Variants in ZNF346 observed in about 807,000 individuals in gnomAD.
ZNF346 encodes the protein zinc finger protein 346, also known as double-stranded RNA-binding zinc finger protein JAZ.
Under a neutral mutation model 33.7 loss-of-function variants are expected in ZNF346, and 23 were observed. The observed-to-expected ratio is 0.68, with a 90% CI of 0.49 to 0.97. The LOEUF (loss-of-function observed/expected upper bound fraction) is 0.97, where lower values mean the gene tolerates loss of function less well. ZNF346 is among the 50% of genes least tolerant of loss of function. The pLI is 0.00. For missense variants in ZNF346, 340 were observed against 371.1 expected, an observed-to-expected ratio of 0.92 and a Z score of 0.69; for synonymous variants, 134 against 142.4, an observed-to-expected ratio of 0.94 and a Z score of 0.42.
At chr5:177,031,041 T>C (rs1012691013) in intron 1 of ZNF346, among the ~76,000 whole-genome samples, 2 of 151,770 alleles carry the variant, frequency 1.3e-5, no homozygotes, top group Admixed American at 1.3e-4. Context: ...TTTTTTCTGT[T>C]TTATTTTGTT....
chr5:177,032,369 C>T (rs889536642), intron 1 of ZNF346, among the ~76,000 whole-genome samples: 17 of 151,586 alleles, frequency 1.1e-4, no homozygotes, highest in Admixed American at 6.6e-4. Context: ...AGTGCAGTGG[C>T]GCAGTCTTGG....
At chr5:177,029,400 A>G (rs566453702) in intron 1 of ZNF346, among the ~76,000 whole-genome samples, 11 of 152,190 alleles carry the variant, frequency 7.2e-5, no homozygotes, top group African/African-American at 2.4e-4. Flanking sequence ...CTCTTTATCT[A>G]TTTGTATCCT....
Position 177,050,738 on chromosome 5 carries a change from G to A in ZNF346, c.518-13G>A. 6.2e-7 allele frequency: 1 copy of A among 1,614,084 alleles called. No individual in the cohort carries two copies. Among genetic ancestry groups the A allele is most frequent in the Non-Finnish European group, 8.5e-7 (1 of 1,180,008 alleles). On this transcript the variant is annotated splice_polypyrimidine_tract_variant and intron_variant, in intron 4 of 6. Coordinates refer to ENST00000358149, the MANE Select transcript of ZNF346 (RefSeq NM_012279.4). ...ACGCCTTACAAATCCTTTCCTTGTG[G>A]CCTCCACCTTAGCCTTGCACCAGAA...
At chr5:177,049,614 C>G (rs1780584979) in intron 4 of ZNF346, among the ~76,000 whole-genome samples, 1 of 152,168 alleles carries the variant, frequency 6.6e-6, no homozygotes, top group South Asian at 2.1e-4. Context: ...TAAGTAAGAG[C>G]TATAGCCTTC....
intron 8 of ZNF346, among the ~76,000 whole-genome samples, chr5:177,073,288 T>C: frequency 6.6e-6 from 1 of 152,158 alleles, no homozygotes. Context: ...TTGCTGGGAT[T>C]TCACAGGAAA....
chr5:177,068,059 A>T (rs1783324335), downstream of ZNF346, among the ~76,000 whole-genome samples: 1 of 118,940 alleles, frequency 8.4e-6, no homozygotes, highest in African/African-American at 5.9e-5. Context: ...AGTAGAATCC[A>T]GTTCTCTAGA....
At chr5:177,072,716 G>A (rs369688964), downstream of ZNF346, among the ~76,000 whole-genome samples, 10 of 152,250 alleles carry the variant, frequency 6.6e-5, no homozygotes, top group East Asian at 1.2e-3. Context: ...AGGCGTGGTG[G>A]CGCACGTCTG....
chr5:177,050,908 G>T lies in ZNF346; in HGVS notation c.675G>T (p.Leu225=), dbSNP rs1037106134. ...KLKLMARYGR[L]ADPAVTDFPA... is the part of the protein sequence containing the mutation. ...AACTAATGGCACGCTATGGGCGGCT[G>T]GCGGACCCTGCTGTCACTGACTTTC... The change falls in exon 5 of 7, where the codon CTG becomes CTT. Residue 225 remains leucine (L), a synonymous_variant. Coordinates refer to ENST00000358149, the MANE Select transcript of ZNF346 (RefSeq NM_012279.4). 6.2e-7 allele frequency: 1 copy of T among 1,614,184 alleles called. No individual in the cohort carries two copies. Among genetic ancestry groups the T allele is most frequent in the Non-Finnish European group, 8.5e-7 (1 of 1,180,036 alleles).
intron 1 of ZNF346, among the ~76,000 whole-genome samples, chr5:177,033,597 C>G (rs1298126401): frequency 6.6e-6 from 1 of 152,174 alleles, no homozygotes; most frequent in Non-Finnish European, 1.5e-5. Context: ...GATCTCTGCT[C>G]ACTGCAAGCT....
At chr5:177,059,146 T>C (rs568570684) in intron 5 of ZNF346, among the ~76,000 whole-genome samples, 12 of 152,360 alleles carry the variant, frequency 7.9e-5, no homozygotes, top group Non-Finnish European at 1.8e-4. Flanking sequence ...ATAGGTGTTA[T>C]AGTCCAGGGC....
intron 1 of ZNF346, among the ~76,000 whole-genome samples, chr5:177,028,707 C>CTTTTTTT (rs56172509): frequency 7.4e-5 from 5 of 67,398 alleles, no homozygotes; most frequent in Non-Finnish European, 1.2e-4. Flanking sequence ...AAGCCCCTTT[C>CTTTTTTT]TTTTTTTTTT....
chr5:177,044,513 A>G lies in ZNF346; in HGVS notation c.497A>G (p.Gln166Arg). ...CACGCAAAGAACTTAAAGCTGAAGC[A>G]GCAGTCCACTAAGGTGGAAGGTACT... ...KTHAKNLKLK[Q>R]QSTKVEALHQ... Residue 166 changes from glutamine (Q) to arginine (R), a missense_variant, in exon 4 of 7, where the codon CAG becomes CGG. Physicochemically the swap from Gln to Arg is conservative, Grantham distance 43. Transcript: ENST00000358149. 1 of 1,613,908 alleles carries G rather than the reference A, an allele frequency of 6.2e-7. No homozygotes were observed.
chr5:177,038,908 GT>G (rs1778967512), intron 1 of ZNF346, among the ~76,000 whole-genome samples: 1 of 150,246 alleles, frequency 6.7e-6, no homozygotes, highest in Non-Finnish European at 1.5e-5. Flanking sequence ...GTGTGTGTGT[GT>G]GTGTGTCCGA....
intron 8 of ZNF346, among the ~76,000 whole-genome samples, chr5:177,078,018 G>T (rs1166435329): frequency 6.6e-6 from 1 of 152,124 alleles, no homozygotes; most frequent in Non-Finnish European, 1.5e-5. Flanking sequence ...ATGGTGGTGA[G>T]TGCCTGTAAT....
At chr5:177,047,141 T>C (rs1581878310) in intron 4 of ZNF346, among the ~76,000 whole-genome samples, 1 of 151,832 alleles carries the variant, frequency 6.6e-6, no homozygotes, top group African/African-American at 2.4e-5. Flanking sequence ...CTCCGCCTCC[T>C]GGGTTCAAGC....
downstream of ZNF346, among the ~76,000 whole-genome samples, chr5:177,069,448 G>A (rs1422612620): frequency 2.9e-5 from 3 of 102,412 alleles, no homozygotes; most frequent in Middle Eastern, 4.9e-3. Context: ...GTAAGACTCT[G>A]TCTCAAAAAA....
At chr5:177,059,390 A>C (rs1396908697) in intron 5 of ZNF346, among the ~76,000 whole-genome samples, 2 of 152,146 alleles carry the variant, frequency 1.3e-5, no homozygotes, top group Non-Finnish European at 2.9e-5. Flanking sequence ...GTCTCATGGC[A>C]AGTATGGACC....
Position 177,065,064 on chromosome 5 carries a change from G to A in ZNF346, c.*465G>A, listed in dbSNP as rs1286376417. 1 of 159,258 alleles carries A rather than the reference G, an allele frequency of 6.3e-6. No homozygotes were observed. The highest frequency in any genetic ancestry group is 1.4e-5 in the Non-Finnish European group (1 of 72,258). 9.9% of individuals were successfully genotyped at this position (159,258 alleles called of 1,614,324 possible). On this transcript the variant is annotated 3_prime_UTR_variant, in exon 7 of 7. Coordinates refer to ENST00000358149, the MANE Select transcript of ZNF346 (RefSeq NM_012279.4). The stretch of plus-strand genomic sequence containing the variant: ...AACAGAGGAAATGGCTGCAACATGG[G>A]AGCTTGGAGCTAATACGACACTCTG...
At chr5:177,070,080 G>A (rs985796738), downstream of ZNF346, among the ~76,000 whole-genome samples, 11 of 152,190 alleles carry the variant, frequency 7.2e-5, no homozygotes, top group Admixed American at 3.9e-4. Flanking sequence ...CTACTCAGGC[G>A]TGGAATCATA....
Sources: gnomAD v4.1 joint callset for allele counts (sites outside exome capture counted in the v4.1 genomes callset) on GRCh38, gnomAD v4.1.1 for gene constraint, MANE v1.5 for transcripts, NCBI Gene and HGNC (gene_info 2026-07-23, HGNC 2026-07-21) for gene names.